Variants in EPB41L4B observed in about 807,000 individuals in gnomAD.
The protein encoded by EPB41L4B is erythrocyte membrane protein band 4.1 like 4B, also known as band 4.1-like protein 4B.
EPB41L4B carries 30 observed loss-of-function variants against 112.5 expected under a neutral mutation model. The ratio of observed to expected loss-of-function variants is 0.27; its 90% CI spans 0.20 to 0.36. The LOEUF is 0.36. Ranked by LOEUF, EPB41L4B falls within the 10% of genes least tolerant of loss-of-function variation. EPB41L4B has a pLI of 1.00. For missense variants in EPB41L4B, 1,024 were observed against 1,133.3 expected, an observed-to-expected ratio of 0.90 and a Z score of 1.38; for synonymous variants, 408 against 439.7, an observed-to-expected ratio of 0.93 and a Z score of 0.90.
Position 109,256,403 on chromosome 9 carries a change from T to C in EPB41L4B, c.830A>G (p.His277Arg). Residue 277 changes from histidine to arginine, a missense_variant, in exon 8 of 26, where the codon CAC (histidine) becomes CGC (arginine). By Grantham distance (29) the His-to-Arg change is conservative. Transcript: ENST00000374566. Reference sequence around the variant, plus strand: ...GCACACAGTTCTTACCCTGACAACGTGCATGTCTACCCCATACATTTCCAG... The same window carrying C: ...GCACACAGTTCTTACCCTGACAACGCGCATGTCTACCCCATACATTTCCAG... ...KWLEMYGVDMHVVRGRDGCEY... is the reference protein window; with the variant it reads ...KWLEMYGVDMRVVRGRDGCEY... The C allele has an allele frequency of 6.2e-7, 1 of 1,614,158 alleles. No homozygotes were observed. Among genetic ancestry groups the C allele is most frequent in the Middle Eastern group, 1.6e-4 (1 of 6,062 alleles).
chr9:109,284,345 A>C (rs1006547308), intron 1 of EPB41L4B, among the ~76,000 whole-genome samples: 1 of 152,218 alleles, frequency 6.6e-6, no homozygotes, highest in Non-Finnish European at 1.5e-5. Context: ...TCCTTAGTCA[A>C]ACCACTGTAA....
At chr9:109,180,533 C>G (rs532568692) in intron 24 of EPB41L4B, among the ~76,000 whole-genome samples, 1 of 152,330 alleles carries the variant, frequency 6.6e-6, no homozygotes, top group East Asian at 1.9e-4. Flanking sequence ...CTGGAAGCAG[C>G]TCATGACCCT....
Position 109,174,327 on chromosome 9 carries a change from C to T in EPB41L4B, c.*227G>A, listed in dbSNP as rs1831731387. On this transcript the variant is annotated 3_prime_UTR_variant, in exon 26 of 26. Coordinates refer to ENST00000374566, the MANE Select transcript of EPB41L4B (RefSeq NM_019114.5). ...CCCATCTTTCTTTTCCTAGACTTAT[C>T]AAATCCTGTCTCAACTACATAGAGT... 4.3e-6 allele frequency: 2 copies of T among 467,220 alleles called. No homozygotes were observed. Among genetic ancestry groups the T allele is most frequent in the Admixed American group, 6.7e-5 (2 of 30,040 alleles). The allele number at this position is 467,220 out of a possible 1,614,324, so 28.9% of individuals were successfully genotyped here.
chr9:109,253,600 C>A (rs114524663), intron 11 of EPB41L4B, 50 bp from the exon 12 acceptor site: 3 of 1,205,854 alleles, frequency 2.5e-6, no homozygotes, highest in Non-Finnish European at 3.7e-6. Context: ...AATCTCAGTA[C>A]ATTACCTGTT....
In EPB41L4B at chr9:109,178,589, G is replaced by A. The variant is rs1355499340; in HGVS notation, c.2488-1893C>T. On this transcript the variant is annotated intron_variant, in intron 24 of 25. Coordinates refer to ENST00000374566, the MANE Select transcript of EPB41L4B (RefSeq NM_019114.5). ...GTGTTAAGAACAGTATTCAGAACAA[G>A]GGCTAGCTGACACCATAACTGGGGT... Among the ~76,000 whole-genome samples, 27 of 151,978 alleles carry A rather than the reference G, an allele frequency of 1.8e-4. 1 individual carries two copies. Among genetic ancestry groups the A allele is most frequent in the Admixed American group, 1.8e-3 (27 of 15,232 alleles).
chr9:109,229,420 C>T (rs1879069), intron 15 of EPB41L4B, among the ~76,000 whole-genome samples: 59,921 of 152,044 alleles, frequency 0.39, 12,372 homozygotes, highest in Admixed American at 0.5. Context: ...TGAACTTCCC[C>T]TATCCAAAGT....
Position 109,197,727 on chromosome 9 carries a change from G to A in EPB41L4B, c.2045+2509C>T, listed in dbSNP as rs146349035. The stretch of plus-strand genomic sequence containing the variant: ...CCCAGCTACTTGGGAGGCTGAGGCC[G>A]GAGAATCGCTTGAACCCAGGAGGCG... On this transcript the variant is annotated intron_variant, in intron 20 of 25. Coordinates refer to ENST00000374566, the MANE Select transcript of EPB41L4B (RefSeq NM_019114.5). Among the ~76,000 whole-genome samples the A allele has an allele frequency of 5.7e-4, 86 of 151,604 alleles. No homozygotes were observed. The East Asian group carries it at 0.016, about 29-fold the overall frequency.
chr9:109,214,324 C>G (rs1833288643), intron 16 of EPB41L4B, among the ~76,000 whole-genome samples: 1 of 152,122 alleles, frequency 6.6e-6, no homozygotes, highest in Admixed American at 6.5e-5. Context: ...TGAATTTACT[C>G]ATTAATACAT....
At chr9:109,196,857 T>C (rs925687395) in intron 20 of EPB41L4B, among the ~76,000 whole-genome samples, 1 of 152,228 alleles carries the variant, frequency 6.6e-6, no homozygotes, top group African/African-American at 2.4e-5. Flanking sequence ...GGCTGAGATT[T>C]TTGTCTGTAT....
chr9:109,200,422 T>C (rs767856305), intron 19 of EPB41L4B, 88 bp from the exon 20 acceptor site: 10 of 924,110 alleles, frequency 1.1e-5, no homozygotes, highest in Non-Finnish European at 1.6e-5. Context: ...TCAGTTAATG[T>C]ACACCTTAAT....
intron 17 of EPB41L4B, 78 bp downstream of exon 17, chr9:109,213,622 A>T (rs1220218001): frequency 5.9e-6 from 7 of 1,196,038 alleles, no homozygotes; most frequent in Non-Finnish European, 8.7e-6. Flanking sequence ...TTGGTTTAGC[A>T]GGCAGGCTAG....
At chr9:109,192,228 T>C (rs1832484696) in intron 22 of EPB41L4B, 50 bp downstream of exon 22, 2 of 1,447,192 alleles carry the variant, frequency 1.4e-6, no homozygotes, top group African/African-American at 2.8e-5. Context: ...ACTGCCAAGA[T>C]GTTTCTATGG....
At chr9:109,284,091 A>G (rs1489375792) in intron 1 of EPB41L4B, among the ~76,000 whole-genome samples, 2 of 152,192 alleles carry the variant, frequency 1.3e-5, no homozygotes, top group Non-Finnish European at 2.9e-5. Flanking sequence ...TTAAAAAAAA[A>G]GAAAAGAAAA....
chr9:109,318,150 C>T (rs1484686392), intron 1 of EPB41L4B, among the ~76,000 whole-genome samples: 1 of 149,482 alleles, frequency 6.7e-6, no homozygotes, highest in Non-Finnish European at 1.5e-5. Flanking sequence ...GGGGCATATA[C>T]GTGTGTGTGT....
chr9:109,248,946 C>T lies in EPB41L4B; in HGVS notation c.1311-1157G>A, dbSNP rs190816733. ...TGGTGGCGGGCACCTGTAGTCCCAG[C>T]TACTCGGGAGGCTGAGGCAGGAGAA... On this transcript the variant is annotated intron_variant, in intron 13 of 25. Coordinates refer to ENST00000374566, the MANE Select transcript of EPB41L4B (RefSeq NM_019114.5). Among the ~76,000 whole-genome samples the T allele has an allele frequency of 5.2e-3, 796 of 151,656 alleles. 5 individuals carry two copies. Among genetic ancestry groups the T allele is most frequent in the African/African-American group, 0.019 (776 of 41,308 alleles).
In EPB41L4B at chr9:109,207,906, T is replaced by C; in HGVS notation, c.1878+18A>G. The C allele has an allele frequency of 6.2e-7, 1 of 1,613,934 alleles. No individual in the cohort carries two copies. On this transcript the variant is annotated intron_variant, in intron 18 of 25. Coordinates refer to ENST00000374566, the MANE Select transcript of EPB41L4B (RefSeq NM_019114.5). ...ATCCTATAACATGAAATCAAAGGAATGTATGCATTCTGCGCACCTGGATGT... is the reference window on the plus strand; with the variant it reads ...ATCCTATAACATGAAATCAAAGGAACGTATGCATTCTGCGCACCTGGATGT...
At chr9:109,247,663 T>C (rs1834609760) in intron 14 of EPB41L4B, 93 bp downstream of exon 14, 5 of 885,854 alleles carry the variant, frequency 5.6e-6, no homozygotes, top group East Asian at 2.9e-5. Flanking sequence ...CTGCTCATTA[T>C]GGAAAATTTA....
At chr9:109,177,453 T>C (rs577854179) in intron 24 of EPB41L4B, among the ~76,000 whole-genome samples, 2 of 152,334 alleles carry the variant, frequency 1.3e-5, no homozygotes, top group South Asian at 2.1e-4. Flanking sequence ...TTGGAGAGGA[T>C]AATATATTCT....
chr9:109,255,956 T>A, intron 9 of EPB41L4B, 113 bp from the exon 10 acceptor site: 2 of 1,246,590 alleles, frequency 1.6e-6, no homozygotes, highest in Non-Finnish European at 2.2e-6. Context: ...AATAAAAACA[T>A]TCATCCAAGT....
Sources: allele counts gnomAD v4.1 joint callset (sites outside exome capture counted in the v4.1 genomes callset), GRCh38; gene constraint gnomAD v4.1.1; transcripts MANE v1.5; gene names NCBI Gene and HGNC (gene_info 2026-07-23, HGNC 2026-07-21).